The following TENM4 variants were observed in gnomAD, a reference collection of about 807,000 sequenced individuals.
The protein encoded by TENM4 is teneurin transmembrane protein 4, also known as teneurin-4.
A neutral mutation model predicts 243.3 loss-of-function variants in TENM4; 82 were observed. The observed-to-expected ratio is 0.34, with a 90% CI of 0.28 to 0.40. The LOEUF (loss-of-function observed/expected upper bound fraction) is 0.40, where lower values mean the gene tolerates loss of function less well. Among genes scored for constraint, TENM4 ranks in the 10% least tolerant of loss-of-function variants. TENM4 has a pLI of 1.00. For missense variants in TENM4, 3,138 were observed against 3,673.3 expected, an observed-to-expected ratio of 0.85 and a Z score of 3.77; for synonymous variants, 1,412 against 1,456.3, an observed-to-expected ratio of 0.97 and a Z score of 0.69.
At chr11:78,906,222 C>A (rs1174429928) in intron 6 of TENM4, among the ~76,000 whole-genome samples, 2 of 152,232 alleles carry the variant, frequency 1.3e-5, no homozygotes, top group Non-Finnish European at 2.9e-5. Context: ...AACAACCCTT[C>A]GGGGGCAGTA....
At chr11:79,163,213 A>T (rs1862794014) in intron 3 of TENM4, among the ~76,000 whole-genome samples, 2 of 152,098 alleles carry the variant, frequency 1.3e-5, no homozygotes, top group African/African-American at 4.8e-5. Context: ...AGGGGAAGGG[A>T]CATTTGTTGA....
At chr11:78,762,204 T>C (rs533771184) in intron 18 of TENM4, among the ~76,000 whole-genome samples, 11 of 152,300 alleles carry the variant, frequency 7.2e-5, no homozygotes, top group African/African-American at 2.6e-4. Context: ...GGCGAGATCA[T>C]GGATGTGAGG....
At chr11:78,874,595 G>T (rs1422302759) in intron 9 of TENM4, among the ~76,000 whole-genome samples, 1 of 152,134 alleles carries the variant, frequency 6.6e-6, no homozygotes, top group Non-Finnish European at 1.5e-5. Flanking sequence ...CAGCTTCTAG[G>T]TAAAGAAAAG....
chr11:79,130,759 C>A (rs550120000), intron 4 of TENM4, among the ~76,000 whole-genome samples: 11 of 152,014 alleles, frequency 7.2e-5, no homozygotes, highest in Non-Finnish European at 1.2e-4. Context: ...GGGGGCGGAG[C>A]TTGCAGTGAG....
intron 28 of TENM4, 53 bp from the exon 29 acceptor site, chr11:78,688,279 G>A (rs1164461061): frequency 6.4e-7 from 1 of 1,558,646 alleles, no homozygotes; most frequent in Non-Finnish European, 8.7e-7. Context: ...TGCTCTAGCT[G>A]GAACTTGGTG....
intron 1 of TENM4, among the ~76,000 whole-genome samples, chr11:79,347,205 A>G (rs506396): frequency 0.79 from 119,626 of 152,144 alleles, 47,373 homozygotes; most frequent in African/African-American, 0.85. Flanking sequence ...CACGTCAAAA[A>G]TGTGTCTGCT....
chr11:78,923,693 CTTT>C (rs1172776088), intron 6 of TENM4, among the ~76,000 whole-genome samples: 9 of 53,650 alleles, frequency 1.7e-4, no homozygotes, highest in Admixed American at 3.4e-4. Context: ...ATGCACCTGG[CTTT>C]TTTTTTTTTT....
At chr11:79,108,535 T>A (rs1380508732) in intron 4 of TENM4, among the ~76,000 whole-genome samples, 1 of 152,158 alleles carries the variant, frequency 6.6e-6, no homozygotes, top group Non-Finnish European at 1.5e-5. Context: ...AACATATATA[T>A]GTAGGTATAC....
chr11:78,930,214 C>T (rs972347508), intron 6 of TENM4, among the ~76,000 whole-genome samples: 3 of 152,060 alleles, frequency 2.0e-5, no homozygotes, highest in African/African-American at 4.8e-5. Context: ...GGGTACCTTA[C>T]GTTATTTTGA....
chr11:78,667,875 G>C (rs1227844155), intron 32 of TENM4, among the ~76,000 whole-genome samples: 1 of 152,206 alleles, frequency 6.6e-6, no homozygotes, highest in Non-Finnish European at 1.5e-5. Flanking sequence ...TATGTAAAAA[G>C]TGTGGGCTTT....
At chr11:79,162,911 C>T (rs1395543910) in intron 3 of TENM4, among the ~76,000 whole-genome samples, 3 of 152,234 alleles carry the variant, frequency 2.0e-5, no homozygotes, top group Admixed American at 6.5e-5. Flanking sequence ...TCCATAGTCC[C>T]TGTTCATACA....
chr11:79,370,525 AG>A (rs1267444837), intron 1 of TENM4, among the ~76,000 whole-genome samples: 1 of 152,182 alleles, frequency 6.6e-6, no homozygotes, highest in Non-Finnish European at 1.5e-5. Context: ...CTCTCTGCCT[AG>A]TTGCCTTCCC....
chr11:79,182,087 A>G (rs996945200), intron 3 of TENM4, among the ~76,000 whole-genome samples: 1 of 152,198 alleles, frequency 6.6e-6, no homozygotes, highest in Non-Finnish European at 1.5e-5. Context: ...GATTGTTGAC[A>G]AAATGAGTCT....
chr11:78,710,386 C>T (rs1225353934), intron 26 of TENM4, among the ~76,000 whole-genome samples: 1 of 152,166 alleles, frequency 6.6e-6, no homozygotes, highest in African/African-American at 2.4e-5. Flanking sequence ...TGCCCAGGGG[C>T]CTCTGAGTGC....
At chr11:79,110,808 C>A (rs530901230) in intron 4 of TENM4, among the ~76,000 whole-genome samples, 1 of 152,262 alleles carries the variant, frequency 6.6e-6, no homozygotes, top group African/African-American at 2.4e-5. Flanking sequence ...AGGCCCTTTG[C>A]CGGTAAAGCA....
intron 17 of TENM4, among the ~76,000 whole-genome samples, chr11:78,771,872 G>A (rs748951549): frequency 5.9e-5 from 9 of 152,238 alleles, no homozygotes; most frequent in African/African-American, 1.4e-4. Flanking sequence ...CTCTCATTAC[G>A]CTCATATGCA....
chr11:79,015,508 G>A (rs1280149630), intron 6 of TENM4, among the ~76,000 whole-genome samples: 2 of 150,088 alleles, frequency 1.3e-5, no homozygotes, highest in Admixed American at 6.7e-5. Context: ...GTGTGTGTGT[G>A]TATGTATTCT....
intron 9 of TENM4, among the ~76,000 whole-genome samples, chr11:78,864,221 C>T (rs995273750): frequency 1.3e-5 from 2 of 151,938 alleles, no homozygotes; most frequent in East Asian, 1.9e-4. Flanking sequence ...ACACCTTTTG[C>T]ACATTTTCAT....
At chr11:78,996,824 G>A (rs547330776) in intron 6 of TENM4, among the ~76,000 whole-genome samples, 1 of 152,314 alleles carries the variant, frequency 6.6e-6, no homozygotes, top group Admixed American at 6.5e-5. Context: ...GGATGACCCT[G>A]GGGCAGAAGA....
Sources: allele counts gnomAD v4.1 joint callset (sites outside exome capture counted in the v4.1 genomes callset), GRCh38; gene constraint gnomAD v4.1.1; transcripts MANE v1.5; gene names NCBI Gene and HGNC (gene_info 2026-07-23, HGNC 2026-07-21).